PLB1: variants seen among roughly 807,000 people sequenced by gnomAD.
The protein encoded by PLB1 is phospholipase B1, membrane-associated.
A neutral mutation model predicts 227.4 loss-of-function variants in PLB1; 242 were observed. The observed-to-expected ratio is 1.06, with a 90% confidence interval of 0.96 to 1.18. The LOEUF (loss-of-function observed/expected upper bound fraction) is 1.18, where lower values mean the gene tolerates loss of function less well. Among genes scored for constraint, PLB1 ranks in the 50% most tolerant of loss-of-function variants. The probability of loss-of-function intolerance (pLI) is 0.00; values close to 1 mark genes in which losing one functional copy is unlikely to be tolerated. For missense variants in PLB1, 1,858 were observed against 1,816.3 expected (o/e 1.02, Z -0.42); for synonymous variants, 757 against 682.2 (o/e 1.11, Z -1.71).
chr2:28,624,907 T>C, intron 49 of PLB1, 150 bp from the exon 50 acceptor site: 1 of 756,506 alleles, frequency 1.3e-6, no homozygotes, highest in Non-Finnish European at 2.2e-6. Flanking sequence ...ATGTGATTGT[T>C]ACTAAGCTGA....
At position 28,579,724 on chromosome 2, in the gene PLB1, T is replaced by C. The variant is rs1442946563; in HGVS notation, c.1566+17T>C. 2 of 1,601,266 alleles carry C rather than the reference T, an allele frequency of 1.2e-6. No homozygotes were observed. The highest frequency in any genetic ancestry group is 4.5e-5 in the East Asian group (2 of 44,788). ...AATGATCTGGTAGGTCTCCAGGCAC[T>C]TTACTCAAGACTCACCCCCAGAGAA... On this transcript the variant is annotated intron_variant, in intron 23 of 57. Transcript: ENST00000327757.
intron 43 of PLB1, among the ~76,000 whole-genome samples, chr2:28,611,731 C>G (rs35158175): frequency 6.6e-6 from 1 of 152,048 alleles, no homozygotes; most frequent in African/African-American, 2.4e-5. Flanking sequence ...ACTGTTAACC[C>G]GAGACAAGCC....
At chr2:28,581,544 AAAAG>A (rs1420319740) in intron 23 of PLB1, among the ~76,000 whole-genome samples, 2 of 131,802 alleles carry the variant, frequency 1.5e-5, no homozygotes, top group East Asian at 2.2e-4. Context: ...TAAAATTAAA[AAAAG>A]AGGCATAGGC....
intron 17 of PLB1, among the ~76,000 whole-genome samples, chr2:28,553,873 G>T (rs972409979): frequency 6.6e-6 from 1 of 152,176 alleles, no homozygotes; most frequent in Non-Finnish European, 1.5e-5. Context: ...ACAGTGCCTA[G>T]CAAGAATCTT....
At chr2:28,558,117 T>G (rs984110507) in intron 17 of PLB1, among the ~76,000 whole-genome samples, 2 of 151,072 alleles carry the variant, frequency 1.3e-5, no homozygotes, top group African/African-American at 2.4e-5. Context: ...TACATATGTA[T>G]GTACACACAG....
At chr2:28,567,697 T>C (rs111809057) in intron 20 of PLB1, among the ~76,000 whole-genome samples, 4,186 of 152,098 alleles carry the variant, frequency 0.028, 193 homozygotes, top group African/African-American at 0.095. Context: ...TGGTCTCGAT[T>C]TCCTGACTTC....
chr2:28,498,518 T>A (rs1211833965), intron 1 of PLB1, among the ~76,000 whole-genome samples: 1 of 152,144 alleles, frequency 6.6e-6, no homozygotes, highest in African/African-American at 2.4e-5. Context: ...GTCTTGGCCT[T>A]CTAAAGCACT....
chr2:28,532,952 T>G (rs1016302025), intron 9 of PLB1, among the ~76,000 whole-genome samples: 4 of 152,134 alleles, frequency 2.6e-5, no homozygotes, highest in Non-Finnish European at 4.4e-5. Context: ...AAGGGGTGGT[T>G]TAGAAATCTA....
At chr2:28,545,901 C>G (rs1231719935) in intron 14 of PLB1, among the ~76,000 whole-genome samples, 2 of 152,172 alleles carry the variant, frequency 1.3e-5, no homozygotes, top group Non-Finnish European at 2.9e-5. Context: ...GTCCATTACT[C>G]TGTCCTCAGA....
At chr2:28,507,981 G>A (rs1473321012) in intron 1 of PLB1, among the ~76,000 whole-genome samples, 1 of 152,148 alleles carries the variant, frequency 6.6e-6, no homozygotes, top group Non-Finnish European at 1.5e-5. Context: ...TCATTCTTTG[G>A]CCAGCATTCC....
chr2:28,579,742 C>T, intron 23 of PLB1, 35 bp downstream of exon 23: 2 of 1,559,932 alleles, frequency 1.3e-6, no homozygotes, highest in South Asian at 1.1e-5. Context: ...AGACTCACCC[C>T]CAGAGAAGGA....
chr2:28,563,191 G>A (rs1046227296), intron 18 of PLB1, 92 bp downstream of exon 18: 24 of 1,308,298 alleles, frequency 1.8e-5, no homozygotes, highest in Admixed American at 7.4e-5. Context: ...AAGGTCTCAC[G>A]CCTGGCTCTT....
At chr2:28,544,334 G>A (rs2148212903) in intron 14 of PLB1, among the ~76,000 whole-genome samples, 1 of 152,360 alleles carries the variant, frequency 6.6e-6, no homozygotes, top group East Asian at 1.9e-4. Context: ...GAGGAACCTG[G>A]CCCCTCCAGC....
In PLB1 at chr2:28,629,032, A is replaced by T. The variant is rs540042967; in HGVS notation, c.3727-62A>T. ...GGGAGTGGGAATTGGATTGTAGATG[A>T]CCCCCAGGTTCCTCCCAGCAGTAGC... On this transcript the variant is annotated intron_variant, in intron 52 of 57. Coordinates refer to ENST00000327757, the MANE Select transcript of PLB1 (RefSeq NM_153021.5). 17 of 1,385,742 alleles carry T rather than the reference A, an allele frequency of 1.2e-5. No homozygotes were observed. The East Asian group carries it at 3.9e-4, about 32-fold the overall frequency. The allele number at this position is 1,385,742 out of a possible 1,614,324, so 85.8% of individuals were successfully genotyped here.
chr2:28,639,966 C>A (rs1376864378), intron 56 of PLB1, among the ~76,000 whole-genome samples: 1 of 152,158 alleles, frequency 6.6e-6, no homozygotes, highest in Non-Finnish European at 1.5e-5. Context: ...AGCCATCTGC[C>A]CATCGTGCTC....
chr2:28,540,509 G>C (rs1672338268), intron 12 of PLB1, 68 bp downstream of exon 12: 2 of 1,269,318 alleles, frequency 1.6e-6, no homozygotes, highest in South Asian at 2.5e-5. Flanking sequence ...GAGAACAGGA[G>C]TGATAGGGAC....
At chr2:28,619,309 G>A (rs1044244212) in intron 46 of PLB1, among the ~76,000 whole-genome samples, 4 of 152,106 alleles carry the variant, frequency 2.6e-5, no homozygotes, top group African/African-American at 9.7e-5. Context: ...GTGTGTGAAT[G>A]TGTTTCCATT....
intron 25 of PLB1, among the ~76,000 whole-genome samples, chr2:28,583,884 G>A (rs1186347272): frequency 6.6e-6 from 1 of 152,058 alleles, no homozygotes; most frequent in African/African-American, 2.4e-5. Context: ...AAATGCTTCT[G>A]GCTCAAAGCA....
intron 28 of PLB1, 89 bp downstream of exon 28, chr2:28,589,859 C>T: frequency 7.1e-7 from 1 of 1,404,688 alleles, no homozygotes; most frequent in Non-Finnish European, 1.0e-6. Context: ...GCCCATCGTG[C>T]AGGCCATGTG....
Sources: gnomAD v4.1 joint callset for allele counts (sites outside exome capture counted in the v4.1 genomes callset) on GRCh38, gnomAD v4.1.1 for gene constraint, MANE v1.5 for transcripts, NCBI Gene and HGNC (gene_info 2026-07-23, HGNC 2026-07-21) for gene names.